Variants in CACNA2D2 observed in about 807,000 individuals in gnomAD.
The protein encoded by CACNA2D2 is calcium voltage-gated channel auxiliary subunit alpha2delta 2.
CACNA2D2 carries 48 observed loss-of-function variants against 166.4 expected under a neutral mutation model. That is an observed-to-expected ratio of 0.29 (90% CI 0.23 to 0.37). The LOEUF (loss-of-function observed/expected upper bound fraction) is 0.37. Ranked by LOEUF, CACNA2D2 falls within the 10% of genes least tolerant of loss-of-function variation. The probability of loss-of-function intolerance (pLI) is 1.00; values close to 1 mark genes in which losing one functional copy is unlikely to be tolerated. For missense variants in CACNA2D2, 1,122 were observed against 1,433.0 expected (o/e 0.78, Z 3.50); for synonymous variants, 561 against 573.7 (o/e 0.98, Z 0.32).
rs1559888092 is a variant in CACNA2D2, at chr3:50,377,758, T to C, written c.1525A>G (p.Thr509Ala). The change falls in exon 16 of 38, where the codon ACA becomes GCA. Residue 509 changes from threonine (T) to alanine (A), a missense_variant. Physicochemically the swap from Thr to Ala is moderately conservative, Grantham distance 58. Transcript: ENST00000424201. ...VTGTLPVFNL[T>A]QDGPGEKKNQ... ...TTCTTTTCCCCAGGGCCATCCTGTG[T>C]CAGGTTGAAAACAGGGAGGGTCCCT... The C allele has an allele frequency of 6.2e-7, 1 of 1,613,254 alleles. No homozygotes were observed. Among genetic ancestry groups the C allele is most frequent in the Non-Finnish European group, 8.5e-7 (1 of 1,179,790 alleles).
At chr3:50,412,923 C>T (rs551012598) in intron 3 of CACNA2D2, among the ~76,000 whole-genome samples, 1 of 152,302 alleles carries the variant, frequency 6.6e-6, no homozygotes, top group South Asian at 2.1e-4. Context: ...CCTCCCTGGT[C>T]TCCCGGTGCC....
intron 1 of CACNA2D2, among the ~76,000 whole-genome samples, chr3:50,501,585 T>A (rs1425112078): frequency 6.6e-6 from 1 of 152,146 alleles, no homozygotes; most frequent in Non-Finnish European, 1.5e-5. Flanking sequence ...AGGAGACTCG[T>A]GCAGGCCCAG....
chr3:50,454,971 C>T (rs1709285780), intron 2 of CACNA2D2, among the ~76,000 whole-genome samples: 1 of 152,212 alleles, frequency 6.6e-6, no homozygotes, highest in Non-Finnish European at 1.5e-5. Flanking sequence ...TCCAGGCGTC[C>T]AATCCCAAAA....
chr3:50,449,705 C>T (rs9826902), intron 2 of CACNA2D2, among the ~76,000 whole-genome samples: 1,652 of 152,314 alleles, frequency 0.011, 38 homozygotes, highest in African/African-American at 0.037. Flanking sequence ...CCTGTGATGC[C>T]TCCGCCACAC....
chr3:50,459,888 C>G (rs1396495066), intron 2 of CACNA2D2, among the ~76,000 whole-genome samples: 1 of 151,822 alleles, frequency 6.6e-6, no homozygotes, highest in Non-Finnish European at 1.5e-5. Context: ...CCCATTGATT[C>G]CTGGGGGTTC....
At chr3:50,493,820 G>A (rs944211834) in intron 1 of CACNA2D2, among the ~76,000 whole-genome samples, 1 of 152,230 alleles carries the variant, frequency 6.6e-6, no homozygotes, top group African/African-American at 2.4e-5. Flanking sequence ...AGCCGGAGGA[G>A]GGTGTTGGTC....
At chr3:50,403,463 T>C (rs1310932937) in intron 3 of CACNA2D2, among the ~76,000 whole-genome samples, 3 of 152,162 alleles carry the variant, frequency 2.0e-5, no homozygotes, top group African/African-American at 7.2e-5. Context: ...ATTACCCCCC[T>C]GCAGCCCTGC....
At chr3:50,500,284 C>T (rs372803367) in intron 1 of CACNA2D2, among the ~76,000 whole-genome samples, 1 of 152,186 alleles carries the variant, frequency 6.6e-6, no homozygotes, top group African/African-American at 2.4e-5. Context: ...CGCTGGCCAA[C>T]ACCATCGCTG....
intron 3 of CACNA2D2, among the ~76,000 whole-genome samples, chr3:50,428,304 C>T (rs2106867701): frequency 6.6e-6 from 1 of 152,232 alleles, no homozygotes; most frequent in East Asian, 1.9e-4. Context: ...GAGGCTGACG[C>T]CCTGCTTTAG....
chr3:50,370,901 G>A (rs905267917), intron 22 of CACNA2D2, among the ~76,000 whole-genome samples: 2 of 152,080 alleles, frequency 1.3e-5, no homozygotes, highest in Admixed American at 6.6e-5. Context: ...AGCTGTTTGC[G>A]TTTTGGTAGG....
At chr3:50,430,111 T>G (rs1575673971) in intron 3 of CACNA2D2, among the ~76,000 whole-genome samples, 1 of 152,236 alleles carries the variant, frequency 6.6e-6, no homozygotes, top group Non-Finnish European at 1.5e-5. Flanking sequence ...CTCTGGTTTG[T>G]TTGAGGAAGG....
intron 2 of CACNA2D2, among the ~76,000 whole-genome samples, chr3:50,467,509 C>T (rs531709895): frequency 6.6e-6 from 1 of 152,312 alleles, no homozygotes; most frequent in Non-Finnish European, 1.5e-5. Context: ...TGGGCACCTC[C>T]TCCATGTCAG....
chr3:50,364,853 C>A, intron 37 of CACNA2D2, 35 bp downstream of exon 37: 1 of 1,613,166 alleles, frequency 6.2e-7, no homozygotes, highest in South Asian at 1.1e-5. Context: ...GGCGCAAGGC[C>A]GCGGGATTTC....
chr3:50,448,940 G>A (rs559673345), intron 2 of CACNA2D2, among the ~76,000 whole-genome samples: 102 of 152,276 alleles, frequency 6.7e-4, no homozygotes, highest in African/African-American at 2.2e-3. Flanking sequence ...GGGGAGAGCC[G>A]CAGCGAAGCC....
chr3:50,503,180 G>A (rs143787311), intron 1 of CACNA2D2, 38 bp downstream of exon 1: 8 of 1,152,272 alleles, frequency 6.9e-6, no homozygotes, highest in Non-Finnish European at 8.6e-6. Flanking sequence ...GGGGCGCAAG[G>A]CTCGGCCGGG....
At position 50,366,808 on chromosome 3, in the gene CACNA2D2, T is replaced by G. The variant is rs1275088855; in HGVS notation, c.2589+23A>C. 1.9e-6 allele frequency: 3 copies of G among 1,610,014 alleles called. No homozygotes were observed. The highest frequency in any genetic ancestry group is 2.5e-6 in the Non-Finnish European group (3 of 1,177,648). On this transcript the variant is annotated intron_variant, in intron 29 of 37. Transcript: ENST00000424201. The surrounding 1 kb of genome is among the most constrained non-coding windows in gnomAD (Gnocchi z 5.9). ...TCCAGGAAGGGCACTGCTGGGTTAC[T>G]GCCCCCGCCCCTGCCCAAATACCTT...
Position 50,377,530 on chromosome 3 carries a change from G to A in CACNA2D2, c.1563C>T (p.Ile521=). 2 of 1,613,212 alleles carry A rather than the reference G, an allele frequency of 1.2e-6. No individual in the cohort carries two copies. Among genetic ancestry groups the A allele is most frequent in the African/African-American group, 1.3e-5 (1 of 75,044 alleles). The stretch of plus-strand genomic sequence containing the variant: ...CCACGTCAATGCCCATCACGCCCAG[G>A]ATCAGCTGGTTCTGGGAGCAGAAGC... ...DGPGEKKNQL[I]LGVMGIDVAL... is the part of the protein sequence containing the mutation. Residue 521 remains isoleucine (I), a synonymous_variant, in exon 17 of 38, where the codon ATC becomes ATT. Coordinates refer to ENST00000424201, the MANE Select transcript of CACNA2D2 (RefSeq NM_006030.4).
At chr3:50,410,177 C>G (rs901360118) in intron 3 of CACNA2D2, among the ~76,000 whole-genome samples, 2 of 152,224 alleles carry the variant, frequency 1.3e-5, no homozygotes, top group African/African-American at 4.8e-5. Context: ...TTGGGGGCGG[C>G]TGTGCTTGGC....
At position 50,380,911 on chromosome 3, in the gene CACNA2D2, C is replaced by T. The variant is rs867492512; in HGVS notation, c.784+84G>A. ...GCCACAGACTACAGAGAAGCCACCC[C>T]GCCCCATGCCCCCAGGATGGGTGGG... On this transcript the variant is annotated intron_variant, in intron 7 of 37. Transcript: ENST00000424201. The surrounding 1 kb of genome is among the most constrained non-coding windows in gnomAD (Gnocchi z 4.9). 2.2e-5 allele frequency: 35 copies of T among 1,574,590 alleles called. No individual in the cohort carries two copies. The highest frequency in any genetic ancestry group is 1.7e-4 in the Middle Eastern group (1 of 5,834).
Sources: gnomAD v4.1 joint callset for allele counts (sites outside exome capture counted in the v4.1 genomes callset) on GRCh38, gnomAD v4.1.1 for gene constraint, Gnocchi (gnomAD v3.1) non-coding constraint, MANE v1.5 for transcripts, NCBI Gene and HGNC (gene_info 2026-07-23, HGNC 2026-07-21) for gene names.